THNSL1: variants seen among roughly 807,000 people sequenced by gnomAD.
THNSL1 encodes the protein threonine synthase-like 1.
In THNSL1, 48 loss-of-function variants were observed where a neutral mutation model predicts 50.4. That is an observed-to-expected ratio of 0.95 (90% confidence interval 0.76 to 1.21). THNSL1 has a LOEUF of 1.21. THNSL1 is among the 50% of genes most tolerant of loss of function. THNSL1 has a pLI of 0.00. For synonymous variants in THNSL1, 309 were observed against 306.1 expected (o/e 1.01, Z -0.10); for missense variants, 896 against 871.7 (o/e 1.03, Z -0.35).
the THNSL1 span, chr10:24,990,566 T>C: frequency 2.0e-5 from 33 of 1,613,466 alleles, 1 homozygote; most frequent in South Asian, 3.5e-4. Flanking sequence ...TTTCTTTATT[T>C]CCTCGTTTCG....
At chr10:24,985,004 G>T in the THNSL1 span, 9 of 919,044 alleles carry the variant, frequency 9.8e-6, no homozygotes, top group Non-Finnish European at 1.5e-5. Context: ...ATAAGTAAAA[G>T]AAACTGACAA....
the THNSL1 span, among the ~76,000 whole-genome samples, chr10:24,964,815 C>T: frequency 6.6e-6 from 1 of 152,172 alleles, no homozygotes; most frequent in African/African-American, 2.4e-5. Context: ...GTAATCCTAG[C>T]ACTTTTGAAG....
At chr10:24,970,067 C>G in the THNSL1 span, among the ~76,000 whole-genome samples, 1 of 152,144 alleles carries the variant, frequency 6.6e-6, no homozygotes, top group African/African-American at 2.4e-5. Flanking sequence ...TTTAGCAATT[C>G]TTACAAAGTT....
At chr10:24,964,651 T>G in the THNSL1 span, among the ~76,000 whole-genome samples, 1 of 152,216 alleles carries the variant, frequency 6.6e-6, no homozygotes, top group Non-Finnish European at 1.5e-5. Flanking sequence ...TAAAGGAAAA[T>G]GACTCTTGGG....
chr10:25,020,722 C>A (rs1186530768), intron 1 of THNSL1, among the ~76,000 whole-genome samples: 3 of 146,518 alleles, frequency 2.0e-5, no homozygotes, highest in Non-Finnish European at 4.5e-5. Context: ...GCCTGGGTGA[C>A]AGTGGAAGAC....
chr10:24,976,449 T>G, the THNSL1 span, among the ~76,000 whole-genome samples: 1 of 152,204 alleles, frequency 6.6e-6, no homozygotes, highest in Non-Finnish European at 1.5e-5. Flanking sequence ...TCTATCTCAC[T>G]GTTTATATCA....
At chr10:24,975,689 C>T in the THNSL1 span, among the ~76,000 whole-genome samples, 1 of 152,180 alleles carries the variant, frequency 6.6e-6, no homozygotes, top group Non-Finnish European at 1.5e-5. Context: ...GCTTTCCCTT[C>T]CACCATGATT....
Position 25,023,282 on chromosome 10 carries a change from G to A in THNSL1, c.59G>A (p.Ser20Asn). The A allele has an allele frequency of 2.5e-6, 4 of 1,613,992 alleles. No homozygotes were observed. The highest frequency in any genetic ancestry group is 3.4e-6 in the Non-Finnish European group (4 of 1,179,944). ...AAGATAACACAGAAATGTTTTTCTA[G>A]TATACATGTTAAAACGGATAAACAT... Reference protein sequence around the residue: ...LKKITQKCFSSIHVKTDKHAQ... With the variant: ...LKKITQKCFSNIHVKTDKHAQ... The change falls in exon 3 of 3, where the codon AGT (serine) becomes AAT (asparagine). Residue 20 changes from serine (S) to asparagine (N), a missense_variant. Coordinates refer to ENST00000376356, the MANE Select transcript of THNSL1 (RefSeq NM_024838.5).
the THNSL1 span, among the ~76,000 whole-genome samples, chr10:24,956,667 T>G: frequency 6.6e-6 from 1 of 152,170 alleles, no homozygotes; most frequent in Non-Finnish European, 1.5e-5. Flanking sequence ...GTGAGAACAT[T>G]CAAAATTGTC....
At chr10:24,973,324 G>T in the THNSL1 span, among the ~76,000 whole-genome samples, 2 of 151,792 alleles carry the variant, frequency 1.3e-5, no homozygotes, top group Non-Finnish European at 2.9e-5. Context: ...AAGTGAGACC[G>T]CTAAGTGCTA....
the THNSL1 span, among the ~76,000 whole-genome samples, chr10:24,954,008 A>T: frequency 6.6e-6 from 1 of 152,070 alleles, no homozygotes; most frequent in African/African-American, 2.4e-5. Flanking sequence ...ACACGGGTAA[A>T]CATTTTCTCC....
At chr10:24,985,219 A>G in the THNSL1 span, among the ~76,000 whole-genome samples, 10 of 152,230 alleles carry the variant, frequency 6.6e-5, no homozygotes, top group Non-Finnish European at 1.3e-4. Context: ...TAAAGCTCAC[A>G]GCAAATGCAT....
At position 25,024,940 on chromosome 10, in the gene THNSL1, G is replaced by A. The variant is rs1383019279; in HGVS notation, c.1717G>A (p.Glu573Lys). ...AGATATTCTCAAATCTTCAAACCTAGAACGACATTTACACTTGATGGCTAA... is the reference window on the plus strand; with the variant it reads ...AGATATTCTCAAATCTTCAAACCTAAAACGACATTTACACTTGATGGCTAA... ...SIDILKSSNL[E>K]RHLHLMANKD... The change falls in exon 3 of 3, where the codon GAA (glutamate) becomes AAA (lysine). Residue 573 changes from glutamate (E) to lysine (K), a missense_variant. Transcript: ENST00000376356. 10 of 1,613,834 alleles carry A rather than the reference G, an allele frequency of 6.2e-6. No homozygotes were observed. The Admixed American group carries it at 8.3e-5, about 13-fold the overall frequency.
the THNSL1 span, among the ~76,000 whole-genome samples, chr10:24,986,015 C>T: frequency 2.0e-5 from 3 of 152,174 alleles, no homozygotes; most frequent in East Asian, 1.9e-4. Flanking sequence ...CTGCAGTGAG[C>T]GATGATTGCG....
chr10:24,999,290 G>T, the THNSL1 span: 1 of 1,031,884 alleles, frequency 9.7e-7, no homozygotes, highest in Non-Finnish European at 1.4e-6. Context: ...TGTTTAATAT[G>T]AGGTAAAGCT....
At chr10:24,970,255 G>A in the THNSL1 span, among the ~76,000 whole-genome samples, 9 of 152,280 alleles carry the variant, frequency 5.9e-5, no homozygotes, top group African/African-American at 2.2e-4. Context: ...CCATTAAATG[G>A]AAGGGTAATC....
At chr10:24,968,845 T>G in the THNSL1 span, among the ~76,000 whole-genome samples, 1 of 152,224 alleles carries the variant, frequency 6.6e-6, no homozygotes, top group Admixed American at 6.5e-5. Flanking sequence ...TCACATATGA[T>G]CACTCACTCC....
chr10:25,024,640 T>G lies in THNSL1; in HGVS notation c.1417T>G (p.Trp473Gly). 6.2e-7 allele frequency: 1 copy of G among 1,614,122 alleles called. No homozygotes were observed. Among genetic ancestry groups the G allele is most frequent in the East Asian group, 2.2e-5 (1 of 44,900 alleles). Residue 473 changes from tryptophan to glycine, a missense_variant, in exon 3 of 3, where the codon TGG (tryptophan) becomes GGG (glycine). By Grantham distance (184) the Trp-to-Gly change is radical (BLOSUM62 -2). Transcript: ENST00000376356. ...TILSSANSIN[W>G]GRLLPQVVYH... ...CTTAAGTTCGGCTAACTCCATAAAC[T>G]GGGGCCGACTACTTCCGCAGGTAGT...
chr10:25,021,556 GAC>G (rs1850719456), intron 1 of THNSL1, among the ~76,000 whole-genome samples, 184 bp from the exon 2 acceptor site: 1 of 152,102 alleles, frequency 6.6e-6, no homozygotes, highest in African/African-American at 2.4e-5. Context: ...TTTATAATGA[GAC>G]ACACATGTTT....
Sources: allele counts gnomAD v4.1 joint callset (sites outside exome capture counted in the v4.1 genomes callset), GRCh38; gene constraint gnomAD v4.1.1; transcripts MANE v1.5; gene names NCBI Gene and HGNC (gene_info 2026-07-23, HGNC 2026-07-21).